The following RNF32 variants were observed in gnomAD, a reference collection of about 807,000 sequenced individuals.
RNF32 encodes ring finger protein 32.
In RNF32, 36 loss-of-function variants were observed where a neutral mutation model predicts 41.0. The observed-to-expected ratio is 0.88, with a 90% CI of 0.67 to 1.16. The LOEUF is 1.16. RNF32 is among the 50% of genes most tolerant of loss of function. The pLI is 0.00. For missense variants in RNF32, 413 were observed against 436.7 expected (o/e 0.95, Z 0.48); for synonymous variants, 154 against 160.9 (o/e 0.96, Z 0.32).
intron 7 of RNF32, among the ~76,000 whole-genome samples, chr7:156,660,769 G>A (rs1800527069): frequency 6.6e-6 from 1 of 152,232 alleles, no homozygotes; most frequent in African/African-American, 2.4e-5. Context: ...AGTGACTGCA[G>A]GCCAGGAAAC....
At chr7:156,648,728 A>G (rs1585012011) in intron 3 of RNF32, among the ~76,000 whole-genome samples, 1 of 152,150 alleles carries the variant, frequency 6.6e-6, no homozygotes, top group South Asian at 2.1e-4. Context: ...AGTTCTTTGC[A>G]TATTCTACAT....
rs548269904 is a variant in RNF32, at chr7:156,663,602, A to G, written c.684+5032A>G. Among the ~76,000 whole-genome samples, 32 of 152,382 alleles carry G rather than the reference A, an allele frequency of 2.1e-4. 1 individual carries two copies. Among genetic ancestry groups the G allele is most frequent in the Admixed American group, 7.2e-4 (11 of 15,304 alleles). On this transcript the variant is annotated intron_variant, in intron 7 of 8. Coordinates refer to ENST00000317955, the MANE Select transcript of RNF32 (RefSeq NM_030936.4). ...ATTTAGGACTTTACAGGTTAACTCT[A>G]AAGTTTATCTAAAGAGGTATGAAGA... is the stretch of plus-strand genomic sequence containing the variant.
chr7:156,674,432 T>C (rs112427529), intron 7 of RNF32, among the ~76,000 whole-genome samples: 239 of 152,374 alleles, frequency 1.6e-3, no homozygotes, highest in African/African-American at 5.1e-3. Flanking sequence ...ACAGTCACCA[T>C]TGGCACAACC....
chr7:156,659,919 C>A, intron 7 of RNF32: 3 of 985,454 alleles, frequency 3.0e-6, no homozygotes, highest in Non-Finnish European at 3.6e-6. Context: ...GGCAGGGAGA[C>A]CTGATCAAAC....
intron 7 of RNF32, among the ~76,000 whole-genome samples, chr7:156,660,652 GC>G (rs1403478315): frequency 2.6e-5 from 4 of 152,164 alleles, no homozygotes; most frequent in African/African-American, 7.2e-5. Context: ...TAGGGCAGTG[GC>G]TTTCAGACTT....
At chr7:156,644,037 T>C in intron 2 of RNF32, 145 bp downstream of exon 2, 2 of 680,668 alleles carry the variant, frequency 2.9e-6, no homozygotes, top group Non-Finnish European at 5.1e-6. Flanking sequence ...AAGTGTCGCA[T>C]GGGGCAGTGG....
chr7:156,649,857 T>C (rs1798477212), intron 3 of RNF32, among the ~76,000 whole-genome samples: 1 of 152,244 alleles, frequency 6.6e-6, no homozygotes, highest in Admixed American at 6.5e-5. Flanking sequence ...TGGATTACCC[T>C]GGACTATGAT....
chr7:156,659,055 TC>T, intron 7 of RNF32: 1 of 1,403,412 alleles, frequency 7.1e-7, no homozygotes, highest in South Asian at 1.7e-5. Flanking sequence ...TGTCTACCCT[TC>T]CTCTTAACCA....
rs775565519 is a variant in RNF32, at chr7:156,644,577, C to T, written c.94C>T (p.Arg32Ter). 1.7e-5 allele frequency: 27 copies of T among 1,612,094 alleles called. No homozygotes were observed. In the Admixed American group the frequency reaches 1.8e-4, roughly 11 times the overall value. Reference sequence around the variant, plus strand: ...TCACATTTTACATGATCTTCAACTTCGAAATCTTTCAGTTGCAGATCATTC... The same window carrying T: ...TCACATTTTACATGATCTTCAACTTTGAAATCTTTCAGTTGCAGATCATTC... ...QDHILHDLQL[R>*]NLSVADHSKT... The change falls in exon 3 of 9, where the codon CGA becomes TGA. Residue 32 changes from arginine (R) to a stop codon, truncating the protein, a stop_gained. Transcript: ENST00000317955. LOFTEE classifies it high-confidence loss of function.
At chr7:156,664,911 A>T (rs1801144531) in intron 7 of RNF32, among the ~76,000 whole-genome samples, 1 of 152,228 alleles carries the variant, frequency 6.6e-6, no homozygotes, top group African/African-American at 2.4e-5. Context: ...TGTTTCAGTA[A>T]AAAAGAGAAA....
At position 156,651,103 on chromosome 7, in the gene RNF32, A is replaced by G. The variant is rs77447204; in HGVS notation, c.275-3473A>G. Among the ~76,000 whole-genome samples the G allele has an allele frequency of 2.4e-4, 37 of 152,182 alleles. No individual in the cohort carries two copies. The East Asian group carries it at 5.6e-3, about 23-fold the overall frequency. ...ATAGTTTTAGAAGTAAAATTGTTCT[A>G]TGAGGATTATAACAGAAAGTGTAGC... On this transcript the variant is annotated intron_variant, in intron 3 of 8. Coordinates refer to ENST00000317955, the MANE Select transcript of RNF32 (RefSeq NM_030936.4).
At chr7:156,646,303 C>T (rs1416614479) in intron 3 of RNF32, 1 of 678,792 alleles carries the variant, frequency 1.5e-6, no homozygotes, top group Non-Finnish European at 2.2e-6. Flanking sequence ...GCGCTGTTGG[C>T]AGGGTTCTAC....
chr7:156,660,155 T>G (rs1800409316), intron 7 of RNF32: 1 of 985,628 alleles, frequency 1.0e-6, no homozygotes, highest in Non-Finnish European at 1.2e-6. Context: ...TCTGCTTTTC[T>G]GAGCACACTC....
intron 5 of RNF32, 55 bp from the exon 6 acceptor site, chr7:156,658,073 A>C: frequency 6.5e-7 from 1 of 1,542,084 alleles, no homozygotes; most frequent in Non-Finnish European, 8.9e-7. Flanking sequence ...TGGAAGTAAA[A>C]ACGTTGTTTA....
rs1358451425 is a variant in RNF32 at position 156,676,619 on chromosome 7, CCGCTCCTG to C, written c.1055_1062del (p.Arg352LeufsTer7). ...CTCCTTTCCATGCCTGTCCTCTCTG[CCGCTCCTG>C]CTACCAGAAGAAGATTCTTGAATGT... On this transcript the variant is annotated frameshift_variant, in exon 9 of 9. Transcript: ENST00000317955. LOFTEE classifies it high-confidence loss of function. 3.1e-6 allele frequency: 5 copies of C among 1,614,038 alleles called. No individual in the cohort carries two copies. Among genetic ancestry groups the C allele is most frequent in the Non-Finnish European group, 4.2e-6 (5 of 1,179,896 alleles).
rs117478684 is a variant in RNF32, at chr7:156,669,886, G to A, written c.685-5810G>A. On this transcript the variant is annotated intron_variant, in intron 7 of 8. Coordinates refer to ENST00000317955, the MANE Select transcript of RNF32 (RefSeq NM_030936.4). The surrounding 1 kb of genome is among the most constrained non-coding windows in gnomAD (Gnocchi z 4.2). ...CTTGGGGACTCTGTTCCAGGTGACA[G>A]GAGGGCGGGCGGTCATGGCCTAGTG... is the stretch of plus-strand genomic sequence containing the variant. Among the ~76,000 whole-genome samples the A allele has an allele frequency of 6.8e-4, 103 of 152,314 alleles. No individual in the cohort carries two copies. In the East Asian group the frequency reaches 0.018, roughly 27 times the overall value.
intron 3 of RNF32, among the ~76,000 whole-genome samples, chr7:156,653,911 G>T (rs570955459): frequency 6.6e-6 from 1 of 152,348 alleles, no homozygotes; most frequent in South Asian, 2.1e-4. Flanking sequence ...GAGGGCTGAG[G>T]CAGGTGAGAA....
At chr7:156,672,744 C>T (rs892057912) in intron 7 of RNF32, among the ~76,000 whole-genome samples, 1 of 152,188 alleles carries the variant, frequency 6.6e-6, no homozygotes, top group African/African-American at 2.4e-5. Context: ...TATATGTGGC[C>T]CGCACACTTA....
At chr7:156,655,295 G>T (rs35694305) in intron 4 of RNF32, among the ~76,000 whole-genome samples, 21,387 of 150,178 alleles carry the variant, frequency 0.14, 1,567 homozygotes, top group South Asian at 0.24. Context: ...TATATATATA[G>T]AGAGAGAGAG....
Sources: gnomAD v4.1 joint callset for allele counts (sites outside exome capture counted in the v4.1 genomes callset) on GRCh38, gnomAD v4.1.1 for gene constraint, Gnocchi (gnomAD v3.1) non-coding constraint, MANE v1.5 for transcripts, NCBI Gene and HGNC (gene_info 2026-07-23, HGNC 2026-07-21) for gene names.